HS6ST3: variants seen among roughly 807,000 people sequenced by gnomAD.
HS6ST3 encodes heparan-sulfate 6-O-sulfotransferase 3.
In HS6ST3, 12 loss-of-function variants were observed where a neutral mutation model predicts 36.7. That is an observed-to-expected ratio of 0.33 (90% confidence interval 0.21 to 0.53). The LOEUF (loss-of-function observed/expected upper bound fraction) is 0.53, where lower values mean the gene tolerates loss of function less well. Ranked by LOEUF, HS6ST3 falls within the 20% of genes least tolerant of loss-of-function variation. The pLI is 0.95. For missense variants in HS6ST3, 584 were observed against 640.9 expected, an observed-to-expected ratio of 0.91 and a Z score of 0.96; for synonymous variants, 240 against 257.5, an observed-to-expected ratio of 0.93 and a Z score of 0.65.
chr13:96,808,504 A>G (rs2138533174), intron 1 of HS6ST3, among the ~76,000 whole-genome samples: 1 of 152,298 alleles, frequency 6.6e-6, no homozygotes, highest in East Asian at 1.9e-4. Context: ...ACTCTGTAGC[A>G]TGGAAGATGA....
At chr13:96,690,976 T>G (rs1340156500) in intron 1 of HS6ST3, among the ~76,000 whole-genome samples, 1 of 152,092 alleles carries the variant, frequency 6.6e-6, no homozygotes, top group African/African-American at 2.4e-5. Flanking sequence ...ACCCAGTACT[T>G]TCCAATTCCC....
At chr13:96,574,220 G>T in intron 1 of HS6ST3, 1 of 489,194 alleles carries the variant, frequency 2.0e-6, no homozygotes, top group South Asian at 1.6e-5. Flanking sequence ...TACTAACTTT[G>T]AGGATGCTAG....
At chr13:96,635,347 A>G in intron 1 of HS6ST3, among the ~76,000 whole-genome samples, 1 of 151,880 alleles carries the variant, frequency 6.6e-6, no homozygotes, top group South Asian at 2.1e-4. Flanking sequence ...AGCCCTTGAA[A>G]TTTGCAGGGT....
intron 1 of HS6ST3, among the ~76,000 whole-genome samples, chr13:96,331,128 A>G (rs890237877): frequency 2.0e-4 from 30 of 152,116 alleles, no homozygotes; most frequent in Admixed American, 3.3e-4. Flanking sequence ...TTTGGTTTGA[A>G]TGTCCTCCCG....
Position 96,619,329 on chromosome 13 carries a change from C to G in HS6ST3, c.708-213161C>G, listed in dbSNP as rs145811054. On this transcript the variant is annotated intron_variant, in intron 1 of 1. Coordinates refer to ENST00000376705, the MANE Select transcript of HS6ST3 (RefSeq NM_153456.4). ...AGTATCCTTTAGTATCATCAATTAT[C>G]CCATTTTTCTATGACTTCTTTTCAG... 5.1e-3 allele frequency among the ~76,000 whole-genome samples: 781 copies of G among 152,310 alleles called. 6 individuals carry two copies. Among genetic ancestry groups the G allele is most frequent in the Middle Eastern group, 0.027 (8 of 294 alleles).
intron 1 of HS6ST3, among the ~76,000 whole-genome samples, chr13:96,105,003 A>G (rs936747922): frequency 6.9e-6 from 1 of 144,684 alleles, no homozygotes; most frequent in Non-Finnish European, 1.6e-5. Flanking sequence ...AATAATGTAC[A>G]GGGCAAATAA....
At chr13:96,120,900 G>A (rs1420119911) in intron 1 of HS6ST3, among the ~76,000 whole-genome samples, 2 of 152,174 alleles carry the variant, frequency 1.3e-5, no homozygotes, top group Admixed American at 1.3e-4. Flanking sequence ...TTGTATATTA[G>A]GTCATTACAG....
chr13:96,335,776 A>G (rs1183001157), intron 1 of HS6ST3, among the ~76,000 whole-genome samples: 2 of 152,190 alleles, frequency 1.3e-5, no homozygotes, highest in African/African-American at 4.8e-5. Context: ...ATAGGATATT[A>G]ATGGCTTGCA....
rs762824439 is a variant in HS6ST3 at position 96,832,770 on chromosome 13, G to C, written c.988G>C (p.Glu330Gln). 6.2e-7 allele frequency: 1 copy of C among 1,614,162 alleles called. No homozygotes were observed. The highest frequency in any genetic ancestry group is 1.1e-5 in the South Asian group (1 of 91,084). ...CTGCTATAACTTGACTTTCATGAAC[G>C]AGAGTGAAAGAAACACCATCCTGTT... ...VGCYNLTFMN[E>Q]SERNTILLQS... The change falls in exon 2 of 2, where the codon GAG becomes CAG. Residue 330 changes from glutamate to glutamine, a missense_variant. This residue lies in a region of HS6ST3 where 360 missense variants were observed against 411.3 expected (regional missense o/e 0.88). Coordinates refer to ENST00000376705, the MANE Select transcript of HS6ST3 (RefSeq NM_153456.4).
At chr13:96,419,267 C>A (rs1340087560) in intron 1 of HS6ST3, among the ~76,000 whole-genome samples, 3 of 152,152 alleles carry the variant, frequency 2.0e-5, no homozygotes, top group African/African-American at 7.2e-5. Flanking sequence ...TAATGTGAAA[C>A]CATCCTTCAA....
At chr13:96,667,976 C>T (rs965534738) in intron 1 of HS6ST3, among the ~76,000 whole-genome samples, 3 of 152,158 alleles carry the variant, frequency 2.0e-5, no homozygotes, top group Non-Finnish European at 2.9e-5. Context: ...TTCCAAAGCA[C>T]CTACTGTTTT....
At position 96,090,774 on chromosome 13, in the gene HS6ST3, C is replaced by T. The variant is rs1246125030; in HGVS notation, c.-89C>T. The T allele has an allele frequency of 8.8e-6, 10 of 1,135,338 alleles. No homozygotes were observed. Among genetic ancestry groups the T allele is most frequent in the Non-Finnish European group, 3.4e-6 (3 of 878,968 alleles). 70.3% of individuals were successfully genotyped at this position (1,135,338 alleles called of 1,614,324 possible). On this transcript the variant is annotated 5_prime_UTR_variant, in exon 1 of 2. Transcript: ENST00000376705. ...AGGAACGGCGGGCTCCGAGCCGCGC[C>T]CCGGAGTCCGCGAAACTTCCGAGCG...
At chr13:96,296,522 G>A (rs1418602801) in intron 1 of HS6ST3, among the ~76,000 whole-genome samples, 3 of 152,034 alleles carry the variant, frequency 2.0e-5, no homozygotes, top group Non-Finnish European at 4.4e-5. Context: ...ACAGAACAAC[G>A]GTGAGAAAAG....
chr13:96,627,636 CTCTA>C (rs1249948415), intron 1 of HS6ST3, among the ~76,000 whole-genome samples: 6 of 151,730 alleles, frequency 4.0e-5, no homozygotes, highest in Non-Finnish European at 8.8e-5. Flanking sequence ...TAGTAAGACT[CTCTA>C]TGTAAAGTTA....
intron 1 of HS6ST3, among the ~76,000 whole-genome samples, chr13:96,601,159 G>A (rs1249226497): frequency 1.1e-4 from 17 of 151,832 alleles, no homozygotes; most frequent in African/African-American, 4.1e-4. Flanking sequence ...GTCCTTTTTT[G>A]CAATGAATCT....
intron 1 of HS6ST3, among the ~76,000 whole-genome samples, chr13:96,332,756 A>G (rs929337360): frequency 4.6e-5 from 7 of 152,238 alleles, no homozygotes; most frequent in African/African-American, 1.4e-4. Flanking sequence ...CCATGAACTG[A>G]CTTGTGTAGT....
At chr13:96,632,521 G>A (rs1203093847) in intron 1 of HS6ST3, among the ~76,000 whole-genome samples, 1 of 152,090 alleles carries the variant, frequency 6.6e-6, no homozygotes, top group Non-Finnish European at 1.5e-5. Flanking sequence ...TTTGCTTTCT[G>A]CAATTCGATC....
At chr13:96,827,254 G>T (rs1345601383) in intron 1 of HS6ST3, among the ~76,000 whole-genome samples, 1 of 152,148 alleles carries the variant, frequency 6.6e-6, no homozygotes, top group Admixed American at 6.5e-5. Context: ...AAAGTTTGGA[G>T]AATTAAAAAA....
At chr13:96,631,224 CTT>C (rs2056531073) in intron 1 of HS6ST3, among the ~76,000 whole-genome samples, 1 of 152,158 alleles carries the variant, frequency 6.6e-6, no homozygotes, top group South Asian at 2.1e-4. Context: ...TTCCCAAGAA[CTT>C]CTCAGCCTTT....
Sources: gnomAD v4.1 joint callset for allele counts (sites outside exome capture counted in the v4.1 genomes callset) on GRCh38, gnomAD v4.1.1 for gene constraint, gnomAD v4.1.1 regional missense constraint, MANE v1.5 for transcripts, NCBI Gene and HGNC (gene_info 2026-07-23, HGNC 2026-07-21) for gene names.